The following DNAH11 variants were observed in gnomAD, a reference collection of about 807,000 sequenced individuals.
DNAH11 encodes the protein dynein axonemal heavy chain 11, also known as axonemal beta dynein heavy chain 11.
DNAH11 carries 442 observed loss-of-function variants against 526.0 expected under a neutral mutation model. The observed-to-expected ratio is 0.84, with a 90% CI of 0.78 to 0.91. The LOEUF (loss-of-function observed/expected upper bound fraction) is 0.91, where lower values mean the gene tolerates loss of function less well. Ranked by LOEUF, DNAH11 falls within the 40% of genes least tolerant of loss-of-function variation. The pLI, the probability that DNAH11 is intolerant of heterozygous loss-of-function variation, is 0.00. For synonymous variants in DNAH11, 2,461 were observed against 1,935.9 expected (o/e 1.27, Z -7.12); for missense variants, 6,989 against 5,448.7 (o/e 1.28, Z -8.90).
intron 65 of DNAH11, among the ~76,000 whole-genome samples, chr7:21,837,561 C>A (rs955617446): frequency 6.6e-6 from 1 of 151,982 alleles, no homozygotes; most frequent in Non-Finnish European, 1.5e-5. Flanking sequence ...TTACCAGAGG[C>A]AGGGGAGGTA....
At chr7:21,735,156 C>T (rs1242404073) in intron 45 of DNAH11, among the ~76,000 whole-genome samples, 1 of 152,162 alleles carries the variant, frequency 6.6e-6, no homozygotes, top group Non-Finnish European at 1.5e-5. Context: ...GGTAATAGAG[C>T]AAGACACCGT....
intron 28 of DNAH11, among the ~76,000 whole-genome samples, chr7:21,651,239 G>T (rs1043811009): frequency 6.6e-6 from 1 of 152,162 alleles, no homozygotes; most frequent in Non-Finnish European, 1.5e-5. Flanking sequence ...ATTAATAAGC[G>T]GCAGCAGCAT....
At chr7:21,596,599 G>T (rs1455680412) in intron 14 of DNAH11, among the ~76,000 whole-genome samples, 1 of 152,052 alleles carries the variant, frequency 6.6e-6, no homozygotes, top group Non-Finnish European at 1.5e-5. Context: ...ATAAAAAAAT[G>T]TACTCCCCAA....
intron 30 of DNAH11, among the ~76,000 whole-genome samples, chr7:21,668,145 T>C (rs1782493165): frequency 6.6e-6 from 1 of 152,176 alleles, no homozygotes; most frequent in African/African-American, 2.4e-5. Context: ...GCATATCTTC[T>C]TTTTTGTGTG....
chr7:21,574,800 A>G (rs1784022547), intron 8 of DNAH11, among the ~76,000 whole-genome samples: 1 of 148,634 alleles, frequency 6.7e-6, no homozygotes, highest in African/African-American at 2.5e-5. Context: ...TCCCGACCTC[A>G]GATGATCCAC....
intron 9 of DNAH11, among the ~76,000 whole-genome samples, chr7:21,583,128 A>G (rs1784371799): frequency 1.3e-5 from 2 of 152,330 alleles, no homozygotes; most frequent in South Asian, 2.1e-4. Context: ...TGTATAGCCA[A>G]TATAATCCTA....
chr7:21,883,413 A>C (rs1784006617), intron 75 of DNAH11, among the ~76,000 whole-genome samples: 2 of 152,206 alleles, frequency 1.3e-5, no homozygotes, highest in Non-Finnish European at 2.9e-5. Flanking sequence ...TTCTTGAATA[A>C]AACATGGTAT....
At chr7:21,808,234 T>C (rs1024421046) in intron 63 of DNAH11, among the ~76,000 whole-genome samples, 185 bp downstream of exon 63, 2 of 152,232 alleles carry the variant, frequency 1.3e-5, no homozygotes, top group Non-Finnish European at 2.9e-5. Flanking sequence ...AATAAATATT[T>C]CATTATTTTT....
chr7:21,851,823 T>G (rs542522644), intron 66 of DNAH11, among the ~76,000 whole-genome samples: 2 of 152,192 alleles, frequency 1.3e-5, no homozygotes, highest in South Asian at 4.2e-4. Flanking sequence ...TGTTGATGAG[T>G]TTTTTTCCTA....
rs886062174 is a variant in DNAH11, at chr7:21,600,051, T to C, written c.2932T>C (p.Cys978Arg). Residue 978 changes from cysteine (C) to arginine (R), a missense_variant, in exon 15 of 82, where the codon TGC becomes CGC. Cys to Arg is a radical substitution (Grantham distance 180). Coordinates refer to ENST00000409508, the MANE Select transcript of DNAH11 (RefSeq NM_001277115.2). ...GFYDLVEEML[C>R]NSFRMSAQMN... ...CTATGATCTTGTAGAAGAAATGTTATGCAATAGTTTTAGAATGTCTGCCCA... is the reference window on the plus strand; with the variant it reads ...CTATGATCTTGTAGAAGAAATGTTACGCAATAGTTTTAGAATGTCTGCCCA... The C allele has an allele frequency of 6.2e-7, 1 of 1,609,210 alleles. No individual in the cohort carries two copies. Among genetic ancestry groups the C allele is most frequent in the Non-Finnish European group, 8.5e-7 (1 of 1,177,162 alleles).
At chr7:21,554,611 G>A (rs1258973644) in intron 2 of DNAH11, among the ~76,000 whole-genome samples, 2 of 152,028 alleles carry the variant, frequency 1.3e-5, no homozygotes, top group African/African-American at 4.8e-5. Context: ...TTCTTTTCCT[G>A]TGAAAAGGAT....
At chr7:21,716,722 T>C (rs912677684) in intron 42 of DNAH11, among the ~76,000 whole-genome samples, 1 of 152,212 alleles carries the variant, frequency 6.6e-6, no homozygotes, top group Non-Finnish European at 1.5e-5. Context: ...GTTCCCACTG[T>C]CGCTACCACA....
chr7:21,599,787 G>A lies in DNAH11; in HGVS notation c.2668G>A (p.Glu890Lys). ...TCCACTAATACTTGTCTGTTTCTAG[G>A]AAAATAGGAAGCTCTTCAAAGCCAA... Reference protein sequence around the residue: ...DGCKIHNLVEENRKLFKANPS... With the variant: ...DGCKIHNLVEKNRKLFKANPS... Residue 890 changes from glutamate to lysine, a missense_variant and splice_region_variant, in exon 15 of 82, where the codon GAA (glutamate) becomes AAA (lysine). Glu to Lys is a moderately conservative substitution (Grantham distance 56, BLOSUM62 1). Transcript: ENST00000409508. 1 of 1,531,844 alleles carries A rather than the reference G, an allele frequency of 6.5e-7. No individual in the cohort carries two copies. The allele number at this position is 1,531,844 out of a possible 1,614,324, so 94.9% of individuals were successfully genotyped here. A position where few individuals can be genotyped will look rare whatever the true frequency, so the allele number is the denominator to read the frequency against.
intron 63 of DNAH11, among the ~76,000 whole-genome samples, chr7:21,809,864 C>A (rs1279869609): frequency 6.6e-6 from 1 of 152,062 alleles, no homozygotes; most frequent in Non-Finnish European, 1.5e-5. Flanking sequence ...CTACACCTGG[C>A]CTGATTTGAT....
intron 48 of DNAH11, among the ~76,000 whole-genome samples, chr7:21,741,240 A>G (rs1339236196): frequency 6.6e-6 from 1 of 152,084 alleles, no homozygotes; most frequent in Non-Finnish European, 1.5e-5. Flanking sequence ...TAGCTTAACT[A>G]TGCATTTAAG....
At chr7:21,658,695 C>T in intron 29 of DNAH11, 103 bp from the exon 30 acceptor site, 1 of 881,712 alleles carries the variant, frequency 1.1e-6, no homozygotes, top group Non-Finnish European at 1.6e-6. Flanking sequence ...AAAATGAATC[C>T]ACCTGGGGCA....
intron 42 of DNAH11, 22 bp downstream of exon 42, chr7:21,711,882 A>T: frequency 6.3e-7 from 1 of 1,576,144 alleles, no homozygotes; most frequent in Non-Finnish European, 8.6e-7. Context: ...TTTTTGTTTT[A>T]TTGTAGTAAA....
At chr7:21,681,369 G>T (rs1054375681) in intron 30 of DNAH11, among the ~76,000 whole-genome samples, 177 bp from the exon 31 acceptor site, 1 of 152,102 alleles carries the variant, frequency 6.6e-6, no homozygotes, top group African/African-American at 2.4e-5. Context: ...AGAGGTTGCA[G>T]TGAGCAGAGA....
chr7:21,758,657 CAAG>C (rs1194775712), intron 54 of DNAH11, among the ~76,000 whole-genome samples: 5 of 152,152 alleles, frequency 3.3e-5, no homozygotes, highest in African/African-American at 1.2e-4. Flanking sequence ...AAGTAATGAT[CAAG>C]AAGAGAATTC....
Sources: gnomAD v4.1 joint callset for allele counts (sites outside exome capture counted in the v4.1 genomes callset) on GRCh38, gnomAD v4.1.1 for gene constraint, MANE v1.5 for transcripts, NCBI Gene and HGNC (gene_info 2026-07-23, HGNC 2026-07-21) for gene names.